The following HIVEP1 variants were observed in gnomAD, a reference collection of about 807,000 sequenced individuals.
HIVEP1 encodes zinc finger protein 40.
HIVEP1 carries 36 observed loss-of-function variants against 180.0 expected under a neutral mutation model. That is an observed-to-expected ratio of 0.20 (90% CI 0.15 to 0.26). The LOEUF is 0.26. HIVEP1 is among the 10% of genes least tolerant of loss of function. The pLI is 1.00. For missense variants in HIVEP1, 3,143 were observed against 3,268.7 expected (o/e 0.96, Z 0.94); for synonymous variants, 1,239 against 1,239.0 (o/e 1.00, Z 0.00).
At chr6:12,018,097 G>C (rs371473489) in intron 2 of HIVEP1, among the ~76,000 whole-genome samples, 10 of 152,358 alleles carry the variant, frequency 6.6e-5, no homozygotes, top group Admixed American at 3.9e-4. Flanking sequence ...GCGAGAAATC[G>C]AGCGCAGCAC....
At chr6:12,159,908 A>G (rs1020573171) in intron 7 of HIVEP1, among the ~76,000 whole-genome samples, 8 of 152,304 alleles carry the variant, frequency 5.3e-5, no homozygotes, top group East Asian at 3.9e-4. Context: ...TCACCCTCCA[A>G]TCTTTTCTAT....
Position 12,055,978 on chromosome 6 carries a change from G to A in HIVEP1, c.41-33206G>A, listed in dbSNP as rs184947136. ...TCGTGCAAAAGATGAGCTGTTATTT[G>A]CTCCTTTTATTTTATATGCGCTTGC... On this transcript the variant is annotated intron_variant, in intron 2 of 8. Transcript: ENST00000379388. Among the ~76,000 whole-genome samples the A allele has an allele frequency of 1.1e-3, 168 of 152,268 alleles. 1 individual carries two copies. Among genetic ancestry groups the A allele is most frequent in the African/African-American group, 4.0e-3 (166 of 41,558 alleles).
At chr6:12,103,184 G>GTAATAATAA (rs60181903) in intron 3 of HIVEP1, among the ~76,000 whole-genome samples, 11,735 of 147,582 alleles carry the variant, frequency 0.08, 549 homozygotes, top group East Asian at 0.21. Flanking sequence ...TGTTGATTAT[G>GTAATAATAA]TAATAATAAT....
intron 7 of HIVEP1, among the ~76,000 whole-genome samples, chr6:12,146,285 A>G (rs1188734232): frequency 6.6e-6 from 1 of 152,154 alleles, no homozygotes; most frequent in East Asian, 1.9e-4. Flanking sequence ...TCAACTAAAA[A>G]TATAAAAATT....
At chr6:12,127,172 A>T (rs1391522929) in intron 4 of HIVEP1, among the ~76,000 whole-genome samples, 1 of 152,216 alleles carries the variant, frequency 6.6e-6, no homozygotes, top group Non-Finnish European at 1.5e-5. Context: ...GAATAAAAAA[A>T]AAAATTAATA....
chr6:12,182,099 C>T, the HIVEP1 span, among the ~76,000 whole-genome samples: 2 of 152,040 alleles, frequency 1.3e-5, no homozygotes, highest in Non-Finnish European at 2.9e-5. Flanking sequence ...ATACATGGGG[C>T]CCAGAGTTTC....
At chr6:12,176,386 C>T in the HIVEP1 span, among the ~76,000 whole-genome samples, 3 of 152,078 alleles carry the variant, frequency 2.0e-5, no homozygotes, top group Non-Finnish European at 2.9e-5. Flanking sequence ...CGCCTGCCAT[C>T]ATGCCTGGCT....
intron 3 of HIVEP1, among the ~76,000 whole-genome samples, chr6:12,104,237 T>C (rs1393376966): frequency 6.6e-6 from 1 of 152,098 alleles, no homozygotes; most frequent in African/African-American, 2.4e-5. Context: ...TTTTTAGACT[T>C]TATCTCCTTA....
the HIVEP1 span, among the ~76,000 whole-genome samples, chr6:12,186,731 A>G: frequency 1.3e-5 from 2 of 152,158 alleles, no homozygotes; most frequent in Admixed American, 1.3e-4. Context: ...GAAAGTTACT[A>G]GACATGCAAA....
chr6:12,137,259 A>G (rs960038300), intron 7 of HIVEP1, among the ~76,000 whole-genome samples: 35 of 152,328 alleles, frequency 2.3e-4, no homozygotes, highest in Admixed American at 2.2e-3. Flanking sequence ...ATACTCATGT[A>G]TATCTTCTTC....
chr6:12,020,890 C>CT (rs70981658), intron 2 of HIVEP1, among the ~76,000 whole-genome samples: 14,182 of 105,310 alleles, frequency 0.13, 1,854 homozygotes, highest in African/African-American at 0.3. Context: ...TTCTTTCTTT[C>CT]TTTTTTTTTT....
At chr6:12,029,686 A>G (rs1177841410) in intron 2 of HIVEP1, among the ~76,000 whole-genome samples, 1 of 152,146 alleles carries the variant, frequency 6.6e-6, no homozygotes, top group Non-Finnish European at 1.5e-5. Context: ...CTGGTAAAAT[A>G]TAGAAACTTT....
intron 2 of HIVEP1, among the ~76,000 whole-genome samples, chr6:12,047,988 C>A (rs1358069174): frequency 6.6e-6 from 1 of 152,196 alleles, no homozygotes; most frequent in Non-Finnish European, 1.5e-5. Flanking sequence ...TGCCTAGAGG[C>A]CCTCTGAATT....
chr6:12,135,909 T>A lies in HIVEP1; in HGVS notation c.6487+17T>A. ...AAGAATCAGGTAAGGCTTTATACCA[T>A]ATTTTTCATAAATGCTATTTATAAT... is the stretch of plus-strand genomic sequence containing the variant. On this transcript the variant is annotated intron_variant, in intron 7 of 8. Transcript: ENST00000379388. The A allele has an allele frequency of 6.7e-7, 1 of 1,483,904 alleles. No individual in the cohort carries two copies. Among genetic ancestry groups the A allele is most frequent in the Admixed American group, 1.7e-5 (1 of 57,352 alleles). 91.9% of individuals were successfully genotyped at this position (1,483,904 alleles called of 1,614,324 possible). A position where few individuals can be genotyped will look rare whatever the true frequency, so the allele number is the denominator to read the frequency against.
At position 12,054,826 on chromosome 6, in the gene HIVEP1, A is replaced by G. The variant is rs1265132734; in HGVS notation, c.41-34358A>G. Among the ~76,000 whole-genome samples the G allele has an allele frequency of 4.6e-5, 7 of 152,326 alleles. No homozygotes were observed. In the East Asian group the frequency reaches 1.3e-3, roughly 29 times the overall value. On this transcript the variant is annotated intron_variant, in intron 2 of 8. Coordinates refer to ENST00000379388, the MANE Select transcript of HIVEP1 (RefSeq NM_002114.4). ...AAATCTGAGCATTTGAGAAGAACCTAATTCAGGGTTGTGATATTCATTTGT... is the reference window on the plus strand; with the variant it reads ...AAATCTGAGCATTTGAGAAGAACCTGATTCAGGGTTGTGATATTCATTTGT...
chr6:12,105,104 G>T (rs570394747), intron 3 of HIVEP1, among the ~76,000 whole-genome samples: 38 of 152,176 alleles, frequency 2.5e-4, no homozygotes, highest in Non-Finnish European at 4.3e-4. Flanking sequence ...AGTTTTCTTC[G>T]CCAGGCTTCT....
At chr6:12,088,311 A>G (rs9369076) in intron 2 of HIVEP1, among the ~76,000 whole-genome samples, 101,871 of 151,940 alleles carry the variant, frequency 0.67, 34,255 homozygotes, top group East Asian at 0.78. Context: ...ATAATTATCA[A>G]TATTGTCTTC....
intron 2 of HIVEP1, among the ~76,000 whole-genome samples, chr6:12,034,226 A>C (rs557049257): frequency 6.6e-6 from 1 of 152,332 alleles, no homozygotes; most frequent in African/African-American, 2.4e-5. Context: ...TGAATCTTGT[A>C]CTTTTGTTAA....
chr6:12,149,700 G>A (rs1387938252), intron 7 of HIVEP1, among the ~76,000 whole-genome samples: 1 of 152,126 alleles, frequency 6.6e-6, no homozygotes, highest in Non-Finnish European at 1.5e-5. Flanking sequence ...TAATGTCAGT[G>A]TTTTCCAAGC....
Sources: gnomAD v4.1 joint callset for allele counts (sites outside exome capture counted in the v4.1 genomes callset) on GRCh38, gnomAD v4.1.1 for gene constraint, MANE v1.5 for transcripts, NCBI Gene and HGNC (gene_info 2026-07-23, HGNC 2026-07-21) for gene names.